SND1: variants seen among roughly 807,000 people sequenced by gnomAD.
The protein encoded by SND1 is staphylococcal nuclease domain-containing protein 1.
In SND1, 38 loss-of-function variants were observed where a neutral mutation model predicts 121.7. The observed-to-expected ratio is 0.31, with a 90% CI of 0.24 to 0.41. The LOEUF (loss-of-function observed/expected upper bound fraction) is 0.41, where lower values mean the gene tolerates loss of function less well. Among genes scored for constraint, SND1 ranks in the 10% least tolerant of loss-of-function variants. The probability of loss-of-function intolerance (pLI) is 1.00; values close to 1 mark genes in which losing one functional copy is unlikely to be tolerated. For synonymous variants in SND1, 401 were observed against 447.4 expected, an observed-to-expected ratio of 0.90 and a Z score of 1.31; for missense variants, 868 against 1,184.6, an observed-to-expected ratio of 0.73 and a Z score of 3.92.
intron 10 of SND1, among the ~76,000 whole-genome samples, chr7:127,731,433 C>T (rs980905491): frequency 1.3e-5 from 2 of 152,234 alleles, no homozygotes; most frequent in Non-Finnish European, 1.5e-5. Context: ...TTCCTTTCAA[C>T]GTAGCCGGCT....
intron 11 of SND1, among the ~76,000 whole-genome samples, chr7:127,825,761 T>A (rs1287084411): frequency 6.6e-6 from 1 of 152,192 alleles, no homozygotes; most frequent in Non-Finnish European, 1.5e-5. Flanking sequence ...TTTTTCTGAT[T>A]ATAAAAGCAA....
chr7:127,858,416 G>C, intron 12 of SND1: 1 of 993,086 alleles, frequency 1.0e-6, no homozygotes. Context: ...GAAGGCTTGG[G>C]CACTCACTGG....
intron 14 of SND1, among the ~76,000 whole-genome samples, chr7:127,914,905 G>T (rs900475459): frequency 6.6e-6 from 1 of 152,164 alleles, no homozygotes; most frequent in Non-Finnish European, 1.5e-5. Flanking sequence ...AAATGGGTAT[G>T]ATAATGGCAC....
intron 10 of SND1, among the ~76,000 whole-genome samples, chr7:127,785,486 C>T (rs1340106773): frequency 2.6e-5 from 4 of 152,078 alleles, no homozygotes; most frequent in Non-Finnish European, 5.9e-5. Flanking sequence ...TAAGAAATAC[C>T]ATCCTTGATG....
Position 128,036,357 on chromosome 7 carries a change from C to T in SND1, c.1780-38145C>T, listed in dbSNP as rs566833748. ...GATCCCATAGTGAGGCTGGCTGTGC[C>T]ATTACTACCCACAGTCATAAAGGGA... On this transcript the variant is annotated intron_variant, in intron 16 of 23. Coordinates refer to ENST00000354725, the MANE Select transcript of SND1 (RefSeq NM_014390.4). Among the ~76,000 whole-genome samples the T allele has an allele frequency of 2.6e-5, 4 of 152,296 alleles. No individual in the cohort carries two copies. The South Asian group carries it at 6.2e-4, about 24-fold the overall frequency.
intron 14 of SND1, among the ~76,000 whole-genome samples, chr7:127,914,667 G>A (rs937023403): frequency 6.6e-6 from 1 of 152,160 alleles, no homozygotes; most frequent in African/African-American, 2.4e-5. Flanking sequence ...CATCCTCCAA[G>A]GTACAGGATT....
intron 11 of SND1, among the ~76,000 whole-genome samples, chr7:127,823,715 T>C (rs1473140291): frequency 1.3e-5 from 2 of 151,872 alleles, no homozygotes; most frequent in Non-Finnish European, 1.5e-5. Flanking sequence ...AAATGAACGC[T>C]CAATTAATTA....
rs1196860447 is a variant in SND1 at position 127,652,397 on chromosome 7, C to T, written c.24C>T (p.Gly8=). MASSAQS[G]GSSGGPAVPT... ...ACATGGCGTCCTCCGCGCAGAGCGG[C>T]GGCTCCTCCGGGGGACCCGCGGTCC... is the stretch of plus-strand genomic sequence containing the variant. The change falls in exon 1 of 24, where the codon GGC becomes GGT. Residue 8 remains glycine (G), a synonymous_variant. Coordinates refer to ENST00000354725, the MANE Select transcript of SND1 (RefSeq NM_014390.4). 1 of 1,598,364 alleles carries T rather than the reference C, an allele frequency of 6.3e-7. No individual in the cohort carries two copies. The highest frequency in any genetic ancestry group is 8.5e-7 in the Non-Finnish European group (1 of 1,173,224).
intron 1 of SND1, among the ~76,000 whole-genome samples, chr7:127,675,038 TA>T (rs1208292371): frequency 1.3e-5 from 2 of 152,140 alleles, no homozygotes; most frequent in East Asian, 3.9e-4. Context: ...CCATTTCTAT[TA>T]AAAATACAAA....
At chr7:127,828,947 C>G (rs2116619973) in intron 11 of SND1, among the ~76,000 whole-genome samples, 1 of 152,264 alleles carries the variant, frequency 6.6e-6, no homozygotes, top group East Asian at 1.9e-4. Flanking sequence ...TAGTTTTCCA[C>G]CTGACCTCTT....
intron 11 of SND1, among the ~76,000 whole-genome samples, chr7:127,841,359 AC>A (rs1329960925): frequency 6.6e-6 from 1 of 152,176 alleles, no homozygotes; most frequent in Non-Finnish European, 1.5e-5. Flanking sequence ...CACGAAAGAT[AC>A]ATGGACCTCG....
rs1793515496 is a variant in SND1 at position 128,076,894 on chromosome 7, TTCC to T, written c.1968+2208_1968+2210del. ...TTAACTACCTCCCTGCTGAGTGTAA[TTCC>T]TCCCTGTGCCCTGTGGATGCCTCCT... On this transcript the variant is annotated intron_variant, in intron 17 of 23. Coordinates refer to ENST00000354725, the MANE Select transcript of SND1 (RefSeq NM_014390.4). 2.0e-5 allele frequency among the ~76,000 whole-genome samples: 3 copies of T among 152,272 alleles called. No individual in the cohort carries two copies. The South Asian group carries it at 6.2e-4, about 32-fold the overall frequency.
chr7:127,761,961 G>A (rs1464207565), intron 10 of SND1, among the ~76,000 whole-genome samples: 1 of 152,092 alleles, frequency 6.6e-6, no homozygotes. Flanking sequence ...TAAATTGTAG[G>A]TCCTTCATAT....
At chr7:127,815,731 T>A (rs1392468357) in intron 11 of SND1, among the ~76,000 whole-genome samples, 1 of 152,120 alleles carries the variant, frequency 6.6e-6, no homozygotes, top group Non-Finnish European at 1.5e-5. Flanking sequence ...ATTTTCAACT[T>A]GGAGCTTTTG....
chr7:128,074,118 C>T (rs1793463567), intron 16 of SND1, among the ~76,000 whole-genome samples: 1 of 152,214 alleles, frequency 6.6e-6, no homozygotes, highest in Admixed American at 6.5e-5. Context: ...TTGCCTCGCT[C>T]CCTAAGGACC....
chr7:127,671,611 A>G (rs1250442577), intron 1 of SND1, among the ~76,000 whole-genome samples: 1 of 152,188 alleles, frequency 6.6e-6, no homozygotes, highest in Non-Finnish European at 1.5e-5. Context: ...CTTGGCTTCA[A>G]GTGATTCTCC....
At chr7:127,866,321 A>G (rs1323569742) in intron 12 of SND1, among the ~76,000 whole-genome samples, 1 of 152,178 alleles carries the variant, frequency 6.6e-6, no homozygotes, top group African/African-American at 2.4e-5. Context: ...ATGAGTTACT[A>G]AGTTGGATTA....
At chr7:127,887,447 G>A (rs770091744) in intron 12 of SND1, among the ~76,000 whole-genome samples, 3 of 152,060 alleles carry the variant, frequency 2.0e-5, no homozygotes, top group Non-Finnish European at 1.5e-5. Context: ...TGTTTCTAAC[G>A]TTGCCAAACT....
intron 14 of SND1, among the ~76,000 whole-genome samples, chr7:127,916,061 T>G (rs938729512): frequency 9.6e-5 from 14 of 145,080 alleles, no homozygotes; most frequent in African/African-American, 2.0e-4. Context: ...TACATATATA[T>G]ATAGAGAGAG....
Sources: gnomAD v4.1 joint callset for allele counts (sites outside exome capture counted in the v4.1 genomes callset) on GRCh38, gnomAD v4.1.1 for gene constraint, MANE v1.5 for transcripts, NCBI Gene and HGNC (gene_info 2026-07-23, HGNC 2026-07-21) for gene names.